RALGAPA2: variants seen among roughly 807,000 people sequenced by gnomAD.
RALGAPA2 encodes the protein Ral GTPase activating protein catalytic subunit alpha 2.
A neutral mutation model predicts 230.4 loss-of-function variants in RALGAPA2; 139 were observed. That is an observed-to-expected ratio of 0.60 (90% CI 0.53 to 0.69). The LOEUF (loss-of-function observed/expected upper bound fraction) is 0.69, where lower values mean the gene tolerates loss of function less well. Ranked by LOEUF, RALGAPA2 falls within the 30% of genes least tolerant of loss-of-function variation. The pLI, the probability that RALGAPA2 is intolerant of heterozygous loss-of-function variation, is 0.00. For synonymous variants in RALGAPA2, 847 were observed against 837.8 expected, an observed-to-expected ratio of 1.01 and a Z score of -0.19; for missense variants, 2,163 against 2,276.0, an observed-to-expected ratio of 0.95 and a Z score of 1.01.
chr20:20,571,226 T>G (rs978101451), intron 23 of RALGAPA2, among the ~76,000 whole-genome samples: 2 of 152,094 alleles, frequency 1.3e-5, no homozygotes, highest in African/African-American at 4.8e-5. Context: ...TAGAATAAAA[T>G]TAAAATTTGG....
rs758379115 is a variant in RALGAPA2, at chr20:20,677,629, A to ATTT, written c.218-1344_218-1342dup. ...GCAGCCAAGAATCATGATTTGACCC[A>ATTT]TTTTTTTTTTTTTTTTTTTTTTTTT... On this transcript the variant is annotated intron_variant, in intron 2 of 39. Transcript: ENST00000202677. 9.7e-3 allele frequency among the ~76,000 whole-genome samples: 622 copies of ATTT among 64,326 alleles called. 62 individuals are homozygous for ATTT. The highest frequency in any genetic ancestry group is 0.024 in the African/African-American group (324 of 13,744). 42.2% of individuals were successfully genotyped at this position (64,326 alleles called of 152,430 possible).
At chr20:20,675,369 C>T (rs2068281728) in intron 3 of RALGAPA2, among the ~76,000 whole-genome samples, 1 of 152,082 alleles carries the variant, frequency 6.6e-6, no homozygotes, top group African/African-American at 2.4e-5. Flanking sequence ...CACCATAAGG[C>T]CCTGGAGAAC....
chr20:20,443,542 A>G (rs2060789278), intron 37 of RALGAPA2, among the ~76,000 whole-genome samples: 1 of 152,128 alleles, frequency 6.6e-6, no homozygotes, highest in African/African-American at 2.4e-5. Flanking sequence ...TTTGTCTTTT[A>G]TAGTTGCAGC....
rs149667359 is a variant in RALGAPA2 at position 20,469,638 on chromosome 20, C to T, written c.5495+3191G>A. On this transcript the variant is annotated intron_variant, in intron 37 of 39. Coordinates refer to ENST00000202677, the MANE Select transcript of RALGAPA2 (RefSeq NM_020343.4). ...TTGATTCAGGGTGAACTCCTCCTAA[C>T]GGGCACACTGCATATTGTGTGGCAA... Among the ~76,000 whole-genome samples, 14 of 152,298 alleles carry T rather than the reference C, an allele frequency of 9.2e-5. No individual in the cohort carries two copies. In the East Asian group the frequency reaches 1.2e-3, roughly 13 times the overall value.
chr20:20,439,000 T>G (rs1455400459), intron 37 of RALGAPA2, among the ~76,000 whole-genome samples: 1 of 152,208 alleles, frequency 6.6e-6, no homozygotes, highest in Non-Finnish European at 1.5e-5. Context: ...GCACATTCAT[T>G]AGGCCACTGT....
chr20:20,527,299 C>G (rs1264282366), intron 27 of RALGAPA2, among the ~76,000 whole-genome samples: 1 of 152,162 alleles, frequency 6.6e-6, no homozygotes, highest in African/African-American at 2.4e-5. Flanking sequence ...TAAACAGTTA[C>G]TGACTACCCC....
intron 37 of RALGAPA2, among the ~76,000 whole-genome samples, chr20:20,433,094 A>C (rs1390044070): frequency 1.3e-5 from 2 of 152,256 alleles, no homozygotes; most frequent in Admixed American, 1.3e-4. Context: ...ACAAACATCT[A>C]GTAACACTTC....
At chr20:20,604,795 A>G (rs1240694383) in intron 15 of RALGAPA2, among the ~76,000 whole-genome samples, 1 of 152,160 alleles carries the variant, frequency 6.6e-6, no homozygotes, top group Non-Finnish European at 1.5e-5. Context: ...AAAGGATTGG[A>G]CATCCCTGCA....
rs2063487520 is a variant in RALGAPA2, at chr20:20,535,965, C to CG, written c.3415-163dup. Among the ~76,000 whole-genome samples the CG allele has an allele frequency of 2.0e-5, 3 of 152,102 alleles. 1 individual carries two copies. The highest frequency in any genetic ancestry group is 6.5e-5 in the Admixed American group (1 of 15,268). On this transcript the variant is annotated intron_variant, in intron 25 of 39. Coordinates refer to ENST00000202677, the MANE Select transcript of RALGAPA2 (RefSeq NM_020343.4). ...CTGGGGGGAAGAAGAACACTGGGCT[C>CG]GGGGGAGCGGGTGGTAGAAGATGGG...
chr20:20,517,289 G>A (rs1057475920), intron 31 of RALGAPA2, among the ~76,000 whole-genome samples: 1 of 152,220 alleles, frequency 6.6e-6, no homozygotes, highest in African/African-American at 2.4e-5. Context: ...TAGGACAGGA[G>A]TGAGGCTGGG....
chr20:20,570,109 C>T (rs2064577614), intron 23 of RALGAPA2, among the ~76,000 whole-genome samples: 1 of 152,052 alleles, frequency 6.6e-6, no homozygotes, highest in South Asian at 2.1e-4. Flanking sequence ...ACTTTGTGTT[C>T]CTATTTCTAC....
rs1183181067 is a variant in RALGAPA2, at chr20:20,493,583, C to T, written c.5367+1534G>A. Among the ~76,000 whole-genome samples, 5 of 152,190 alleles carry T rather than the reference C, an allele frequency of 3.3e-5. No individual in the cohort carries two copies. The East Asian group carries it at 7.7e-4, about 23-fold the overall frequency. ...GTTTTTTACTTAAAAATAAAGGTGA[C>T]ATTTTTAGGACATTAAATGACATTT... is the stretch of plus-strand genomic sequence containing the variant. On this transcript the variant is annotated intron_variant, in intron 36 of 39. Coordinates refer to ENST00000202677, the MANE Select transcript of RALGAPA2 (RefSeq NM_020343.4).
chr20:20,657,603 T>C (rs6082085), intron 3 of RALGAPA2, among the ~76,000 whole-genome samples: 4,447 of 152,278 alleles, frequency 0.029, 86 homozygotes, highest in South Asian at 0.061. Flanking sequence ...CTACCTCACG[T>C]TGATGGAAAC....
chr20:20,546,788 GA>G lies in RALGAPA2; in HGVS notation c.3200del (p.Phe1067SerfsTer28). On this transcript the variant is annotated frameshift_variant, in exon 24 of 40. Transcript: ENST00000202677. LOFTEE classifies it high-confidence loss of function. ...TIIRHCPPRF[F>X]SLGFPGFSML... ...TTGAGAAGCCAGGAAAACCCAGGGA[GA>G]AAAAGCGGGGTGGACAGTGCCTTAT... is the stretch of plus-strand genomic sequence containing the variant. 3 of 1,610,994 alleles carry G rather than the reference GA, an allele frequency of 1.9e-6. No individual in the cohort carries two copies. The highest frequency in any genetic ancestry group is 1.7e-6 in the Non-Finnish European group (2 of 1,179,022).
chr20:20,602,591 C>A (rs1329832093), intron 15 of RALGAPA2, among the ~76,000 whole-genome samples: 2 of 152,172 alleles, frequency 1.3e-5, no homozygotes, highest in Non-Finnish European at 2.9e-5. Flanking sequence ...CTTTTTGTTT[C>A]TAGTAGTCTA....
chr20:20,647,210 CA>C, intron 4 of RALGAPA2, among the ~76,000 whole-genome samples: 1 of 152,254 alleles, frequency 6.6e-6, no homozygotes, highest in South Asian at 2.1e-4. Context: ...AAAACTTTAA[CA>C]TTATAAAATC....
At chr20:20,677,629 A>ATTTTTTTTTTTTTTTTTTTT in intron 2 of RALGAPA2, among the ~76,000 whole-genome samples, 2 of 64,284 alleles carry the variant, frequency 3.1e-5, no homozygotes, top group Non-Finnish European at 5.8e-5. Context: ...GATTTGACCC[A>ATTTTTTTTTTTTTTTTTTTT]TTTTTTTTTT....
At chr20:20,448,440 A>G (rs929906509) in intron 37 of RALGAPA2, among the ~76,000 whole-genome samples, 15 of 152,244 alleles carry the variant, frequency 9.9e-5, no homozygotes, top group African/African-American at 3.6e-4. Flanking sequence ...CTGCCATATA[A>G]TATCAAATTT....
intron 16 of RALGAPA2, among the ~76,000 whole-genome samples, chr20:20,597,372 T>C (rs2065487364): frequency 6.6e-6 from 1 of 152,234 alleles, no homozygotes; most frequent in African/African-American, 2.4e-5. Flanking sequence ...CTTACTGTTT[T>C]TCACCTTTAA....
Sources: allele counts gnomAD v4.1 joint callset (sites outside exome capture counted in the v4.1 genomes callset), GRCh38; gene constraint gnomAD v4.1.1; transcripts MANE v1.5; gene names NCBI Gene and HGNC (gene_info 2026-07-23, HGNC 2026-07-21).